The following BMPR1A variants were observed in gnomAD, a reference collection of about 807,000 sequenced individuals.
The protein encoded by BMPR1A is bone morphogenetic protein receptor type 1A.
BMPR1A carries 7 observed loss-of-function variants against 66.0 expected under a neutral mutation model. The ratio of observed to expected loss-of-function variants is 0.11; its 90% CI spans 0.06 to 0.20. The LOEUF is 0.20. Among genes scored for constraint, BMPR1A ranks in the 10% least tolerant of loss-of-function variants. The pLI, the probability that BMPR1A is intolerant of heterozygous loss-of-function variation, is 1.00. For missense variants in BMPR1A, 408 were observed against 669.1 expected (o/e 0.61, Z 4.31); for synonymous variants, 200 against 229.7 (o/e 0.87, Z 1.17).
chr10:86,874,805 A>T (rs1589756497), intron 2 of BMPR1A, among the ~76,000 whole-genome samples: 3 of 141,140 alleles, frequency 2.1e-5, no homozygotes, highest in Non-Finnish European at 4.5e-5. Context: ...GCTCACTGCA[A>T]CCTCTGCCTC....
At chr10:86,813,635 AT>A (rs1841998458) in intron 1 of BMPR1A, among the ~76,000 whole-genome samples, 2 of 152,156 alleles carry the variant, frequency 1.3e-5, no homozygotes, top group African/African-American at 4.8e-5. Context: ...CATTCTTTGC[AT>A]GCGCTCTCCA....
At chr10:86,878,958 T>C (rs1842953437) in intron 3 of BMPR1A, among the ~76,000 whole-genome samples, 1 of 150,718 alleles carries the variant, frequency 6.6e-6, no homozygotes, top group Admixed American at 6.8e-5. Context: ...TAGAATGTTT[T>C]CCTCTACAAA....
At position 86,899,819 on chromosome 10, in the gene BMPR1A, G is replaced by A. The variant is rs1060503401; in HGVS notation, c.359G>A (p.Arg120Gln). The change falls in exon 6 of 13, where the codon CGG becomes CAG. Residue 120 changes from arginine to glutamine, a missense_variant. Arg to Gln is a conservative substitution (Grantham distance 43, BLOSUM62 1). Coordinates refer to ENST00000372037, the MANE Select transcript of BMPR1A (RefSeq NM_004329.3). ...CKDSPKAQLRRTIECCRTNLC... is the reference protein window; with the variant it reads ...CKDSPKAQLRQTIECCRTNLC... ...GATTCTCCAAAAGCCCAGCTACGCCGGACAATAGAATGTTGTCGGACCAAT... is the reference window on the plus strand; with the variant it reads ...GATTCTCCAAAAGCCCAGCTACGCCAGACAATAGAATGTTGTCGGACCAAT... 1.2e-6 allele frequency: 2 copies of A among 1,613,964 alleles called. No homozygotes were observed. Among genetic ancestry groups the A allele is most frequent in the Non-Finnish European group, 1.7e-6 (2 of 1,179,956 alleles).
At position 86,925,888 on chromosome 10, in the gene BMPR1A, C is replaced by T. The variant is rs908856507; in HGVS notation, c.*2169C>T. On this transcript the variant is annotated 3_prime_UTR_variant, in exon 13 of 13. Transcript: ENST00000372037. The stretch of plus-strand genomic sequence containing the variant: ...GACTACAGGCGCCCGCCACCGCGCC[C>T]GGCTAATTTTTTGTATTTTTAGTAG... 26 of 162,646 alleles carry T rather than the reference C, an allele frequency of 1.6e-4. No individual in the cohort carries two copies. The highest frequency in any genetic ancestry group is 1.2e-3 in the South Asian group (6 of 4,866). 10.1% of individuals were successfully genotyped at this position (162,646 alleles called of 1,614,324 possible).
chr10:86,841,713 G>C (rs902598027), intron 2 of BMPR1A, among the ~76,000 whole-genome samples: 15 of 152,192 alleles, frequency 9.9e-5, no homozygotes, highest in Middle Eastern at 3.2e-3. Flanking sequence ...GCTTTAGGAT[G>C]GGGGCTGGTC....
At chr10:86,772,094 A>T in intron 1 of BMPR1A, among the ~76,000 whole-genome samples, 1 of 139,682 alleles carries the variant, frequency 7.2e-6, no homozygotes, top group Non-Finnish European at 1.5e-5. Context: ...TCTGAGATGT[A>T]TACATGTTTA....
At position 86,927,604 on chromosome 10, in the gene BMPR1A, TG is replaced by T. The variant is rs1469744730; in HGVS notation, c.*3886del. The T allele has an allele frequency of 1.0e-5, 2 of 198,878 alleles. No individual in the cohort carries two copies. Among genetic ancestry groups the T allele is most frequent in the Non-Finnish European group, 2.1e-5 (2 of 96,330 alleles). The allele number at this position is 198,878 out of a possible 1,614,324, so 12.3% of individuals were successfully genotyped here. A position where few individuals can be genotyped will look rare whatever the true frequency, so the allele number is the denominator to read the frequency against. ...ATGGCTCTTGTAAAGGATTAACTAT[TG>T]TAATTTTAGCTTATGCTCTGTATTC... On this transcript the variant is annotated 3_prime_UTR_variant, in exon 13 of 13. Transcript: ENST00000372037.
chr10:86,769,866 T>A (rs1182957316), intron 1 of BMPR1A, among the ~76,000 whole-genome samples: 6 of 152,148 alleles, frequency 3.9e-5, no homozygotes, highest in Non-Finnish European at 7.4e-5. Flanking sequence ...TAAGGAAAAT[T>A]AGAAATCCCA....
intron 2 of BMPR1A, among the ~76,000 whole-genome samples, chr10:86,872,429 C>T (rs1236373138): frequency 6.6e-6 from 1 of 152,134 alleles, no homozygotes; most frequent in Non-Finnish European, 1.5e-5. Flanking sequence ...AATTATGACT[C>T]TGCCACTTAA....
intron 7 of BMPR1A, among the ~76,000 whole-genome samples, chr10:86,902,163 A>G (rs984488556): frequency 2.6e-5 from 4 of 152,112 alleles, no homozygotes; most frequent in African/African-American, 4.8e-5. Flanking sequence ...CCTGGCCTCT[A>G]ATGTGTATAG....
intron 2 of BMPR1A, among the ~76,000 whole-genome samples, chr10:86,847,681 C>CGT (rs1202544979): frequency 6.6e-6 from 1 of 151,888 alleles, no homozygotes. Context: ...TACACACACA[C>CGT]GTGTGTATGT....
chr10:86,767,740 C>T (rs1490779135), intron 1 of BMPR1A, among the ~76,000 whole-genome samples: 1 of 147,492 alleles, frequency 6.8e-6, no homozygotes, highest in Non-Finnish European at 1.5e-5. Context: ...TCCTCCTGAA[C>T]TCCCTTGTCT....
intron 2 of BMPR1A, among the ~76,000 whole-genome samples, chr10:86,873,957 T>G (rs1842885233): frequency 6.6e-6 from 1 of 152,226 alleles, no homozygotes; most frequent in Non-Finnish European, 1.5e-5. Flanking sequence ...TAAACCTTCT[T>G]TGCCTCAGTA....
At chr10:86,919,685 TTTTTTGTTTG>T (rs1474899334) in intron 10 of BMPR1A, among the ~76,000 whole-genome samples, 2 of 150,246 alleles carry the variant, frequency 1.3e-5, no homozygotes, top group African/African-American at 5.0e-5. Flanking sequence ...TTTGGTGTTT[TTTTTTGTTTG>T]TTTTTTGTTT....
Position 86,899,878 on chromosome 10 carries a change from C to T in BMPR1A, c.418C>T (p.Pro140Ser), listed in dbSNP as rs138478597. The T allele has an allele frequency of 5.0e-6, 8 of 1,614,000 alleles. No individual in the cohort carries two copies. Among genetic ancestry groups the T allele is most frequent in the South Asian group, 1.1e-5 (1 of 91,084 alleles). Residue 140 changes from proline (P) to serine (S), a missense_variant, in exon 6 of 13, where the codon CCT becomes TCT. Transcript: ENST00000372037. ...CNQYLQPTLP[P>S]VVIGPFFDGS... ...CCAGTATTTGCAACCCACACTGCCCCCTGTTGTCATAGGTAGGTTAGCCGA... is the reference window on the plus strand; with the variant it reads ...CCAGTATTTGCAACCCACACTGCCCTCTGTTGTCATAGGTAGGTTAGCCGA...
Position 86,776,259 on chromosome 10 carries a change from C to CT in BMPR1A, c.-268+19341dup, listed in dbSNP as rs1282895582. Among the ~76,000 whole-genome samples, 7 of 152,096 alleles carry CT rather than the reference C, an allele frequency of 4.6e-5. No individual in the cohort carries two copies. The East Asian group carries it at 1.3e-3, about 29-fold the overall frequency. On this transcript the variant is annotated intron_variant, in intron 1 of 12. Transcript: ENST00000372037. Reference sequence around the variant, plus strand: ...TAACAACTGCCCTAATTTTTAGATGCTGATGAGCATAAATAATGCTTTGAG... The same window carrying CT: ...TAACAACTGCCCTAATTTTTAGATGCTTGATGAGCATAAATAATGCTTTGAG...
chr10:86,932,045 A>G (rs1843815105), downstream of BMPR1A: 1 of 152,224 alleles, frequency 6.6e-6, no homozygotes, highest in Non-Finnish European at 1.5e-5. Flanking sequence ...TAGTATAAGG[A>G]CTGCCATTTA....
intron 2 of BMPR1A, among the ~76,000 whole-genome samples, chr10:86,849,597 T>TC (rs982282873): frequency 5.9e-5 from 9 of 152,236 alleles, no homozygotes; most frequent in Non-Finnish European, 1.2e-4. Flanking sequence ...AAATAGGTAG[T>TC]AAGTATAAGC....
chr10:86,897,427 AT>A (rs1343902628), intron 5 of BMPR1A, among the ~76,000 whole-genome samples: 2 of 152,182 alleles, frequency 1.3e-5, no homozygotes, highest in Non-Finnish European at 2.9e-5. Flanking sequence ...GGTGTTGCTT[AT>A]TCTTAGTGAA....
Sources: gnomAD v4.1 joint callset for allele counts (sites outside exome capture counted in the v4.1 genomes callset) on GRCh38, gnomAD v4.1.1 for gene constraint, MANE v1.5 for transcripts, NCBI Gene and HGNC (gene_info 2026-07-23, HGNC 2026-07-21) for gene names.